Variants in SEMA5A observed in about 807,000 individuals in gnomAD.
SEMA5A encodes semaphorin 5A, also known as semaphorin-5A.
Under a neutral mutation model 135.5 loss-of-function variants are expected in SEMA5A, and 55 were observed. The observed-to-expected ratio is 0.41, with a 90% CI of 0.33 to 0.51. SEMA5A has a LOEUF of 0.51. SEMA5A is among the 20% of genes least tolerant of loss of function. SEMA5A has a pLI of 0.37. For missense variants in SEMA5A, 1,290 were observed against 1,419.9 expected, an observed-to-expected ratio of 0.91 and a Z score of 1.47; for synonymous variants, 580 against 546.5, an observed-to-expected ratio of 1.06 and a Z score of -0.85.
chr5:9,158,613 A>G (rs1406747370), intron 11 of SEMA5A, among the ~76,000 whole-genome samples: 4 of 152,126 alleles, frequency 2.6e-5, no homozygotes, highest in Admixed American at 1.3e-4. Context: ...GAGGATGCTC[A>G]GAATGGACAC....
chr5:9,393,303 G>A (rs1477991167), intron 2 of SEMA5A, among the ~76,000 whole-genome samples: 2 of 152,236 alleles, frequency 1.3e-5, no homozygotes, highest in Non-Finnish European at 2.9e-5. Context: ...CCTAAATACT[G>A]AAGGGGTTAA....
chr5:9,391,099 C>T (rs1018700110), intron 2 of SEMA5A: 2 of 152,200 alleles, frequency 1.3e-5, no homozygotes, highest in African/African-American at 2.4e-5. Context: ...ACACACAGGT[C>T]ATCCAGCTGA....
chr5:9,310,020 A>T lies in SEMA5A; in HGVS notation c.270+8352T>A, dbSNP rs186825438. ...CACAGCGAGTCCAAATAAACACAGC[A>T]ATCAAACATTGATAAACTAAAAAAA... On this transcript the variant is annotated intron_variant, in intron 5 of 22. Coordinates refer to ENST00000382496, the MANE Select transcript of SEMA5A (RefSeq NM_003966.3). Among the ~76,000 whole-genome samples the T allele has an allele frequency of 2.6e-5, 4 of 152,280 alleles. No homozygotes were observed. The East Asian group carries it at 7.7e-4, about 29-fold the overall frequency.
At chr5:9,365,530 T>C (rs978899150) in intron 3 of SEMA5A, among the ~76,000 whole-genome samples, 1 of 152,142 alleles carries the variant, frequency 6.6e-6, no homozygotes, top group Non-Finnish European at 1.5e-5. Context: ...ATATTATTTA[T>C]CTTGATTACT....
At chr5:9,457,863 G>T (rs1032728380) in intron 1 of SEMA5A, among the ~76,000 whole-genome samples, 1 of 148,010 alleles carries the variant, frequency 6.8e-6, no homozygotes, top group Non-Finnish European at 1.5e-5. Flanking sequence ...AGGTACAAAA[G>T]GAAAGAAAAA....
Position 9,094,067 on chromosome 5 carries a change from T to C in SEMA5A, c.2073+14073A>G, listed in dbSNP as rs535744760. On this transcript the variant is annotated intron_variant, in intron 16 of 22. Coordinates refer to ENST00000382496, the MANE Select transcript of SEMA5A (RefSeq NM_003966.3). ...CTGATGGCATTTATTACTTCGTTATTATTTAGCAATTTGAATTATGTTTTT... is the reference window on the plus strand; with the variant it reads ...CTGATGGCATTTATTACTTCGTTATCATTTAGCAATTTGAATTATGTTTTT... Among the ~76,000 whole-genome samples the C allele has an allele frequency of 2.6e-5, 4 of 152,360 alleles. No homozygotes were observed. In the South Asian group the frequency reaches 8.3e-4, roughly 32 times the overall value.
intron 5 of SEMA5A, among the ~76,000 whole-genome samples, chr5:9,296,482 T>A (rs921042424): frequency 6.6e-6 from 1 of 152,196 alleles, no homozygotes; most frequent in African/African-American, 2.4e-5. Context: ...ATTTTATATG[T>A]AAATAGAAAA....
At chr5:9,229,873 G>A (rs1298257435) in intron 6 of SEMA5A, among the ~76,000 whole-genome samples, 1 of 152,180 alleles carries the variant, frequency 6.6e-6, no homozygotes, top group Non-Finnish European at 1.5e-5. Context: ...GAAAGCAAGG[G>A]CCTCCAGTCA....
intron 1 of SEMA5A, among the ~76,000 whole-genome samples, chr5:9,479,004 G>A (rs1759774428): frequency 6.6e-6 from 1 of 152,126 alleles, no homozygotes; most frequent in Non-Finnish European, 1.5e-5. Flanking sequence ...TTCCCCCATT[G>A]TATTCTCATG....
intron 5 of SEMA5A, among the ~76,000 whole-genome samples, chr5:9,292,083 A>G (rs978210023): frequency 6.6e-6 from 1 of 152,116 alleles, no homozygotes; most frequent in Admixed American, 6.5e-5. Context: ...GGTCAACACT[A>G]TAACTGAAGC....
Position 9,204,487 on chromosome 5 carries a change from G to A in SEMA5A, c.647-2247C>T, listed in dbSNP as rs1745901271. Among the ~76,000 whole-genome samples the A allele has an allele frequency of 1.3e-5, 2 of 152,210 alleles. No homozygotes were observed. The highest frequency in any genetic ancestry group is 2.1e-4 in the South Asian group (1 of 4,826). On this transcript the variant is annotated intron_variant, in intron 8 of 22. Transcript: ENST00000382496. This position sits in a 1 kb window ranked among gnomAD's most constrained non-coding sequence, Gnocchi z 6.4. ...CTTTTATGGTTTCCAGCTGAAGGAT[G>A]AGTTTATAATAAAAACAGCTAATAT...
At chr5:9,107,372 A>G (rs890018628) in intron 16 of SEMA5A, among the ~76,000 whole-genome samples, 2 of 152,070 alleles carry the variant, frequency 1.3e-5, no homozygotes, top group Non-Finnish European at 2.9e-5. Flanking sequence ...AGGAGAAAAA[A>G]AAAAACATGC....
chr5:9,133,035 A>T (rs967862737), intron 13 of SEMA5A, among the ~76,000 whole-genome samples: 1 of 152,108 alleles, frequency 6.6e-6, no homozygotes, highest in Non-Finnish European at 1.5e-5. Flanking sequence ...AATCCATGAG[A>T]GTGTTTTTTG....
chr5:9,066,019 C>A (rs77634572), intron 17 of SEMA5A, among the ~76,000 whole-genome samples: 3,064 of 152,320 alleles, frequency 0.02, 40 homozygotes, highest in Middle Eastern at 0.041. Context: ...AAGAGAAATG[C>A]ACTTCCATTG....
Position 9,475,277 on chromosome 5 carries a change from C to T in SEMA5A, c.-174-37425G>A, listed in dbSNP as rs570245780. On this transcript the variant is annotated intron_variant, in intron 1 of 22. Coordinates refer to ENST00000382496, the MANE Select transcript of SEMA5A (RefSeq NM_003966.3). ...ATGGCCTCACAGAGGCCTTTGTGGT[C>T]CACCGTGTCAAAATCTTCACCATGC... is the stretch of plus-strand genomic sequence containing the variant. 5.9e-5 allele frequency among the ~76,000 whole-genome samples: 9 copies of T among 152,328 alleles called. No individual in the cohort carries two copies. The South Asian group carries it at 1.9e-3, about 32-fold the overall frequency.
At chr5:9,103,244 G>A (rs763132653) in intron 16 of SEMA5A, among the ~76,000 whole-genome samples, 9 of 152,060 alleles carry the variant, frequency 5.9e-5, no homozygotes, top group Admixed American at 1.3e-4. Flanking sequence ...AACACGAGAC[G>A]ACCTTCCCCA....
chr5:9,042,648 G>A lies in SEMA5A; in HGVS notation c.*249C>T. On this transcript the variant is annotated 3_prime_UTR_variant, in exon 23 of 23. Coordinates refer to ENST00000382496, the MANE Select transcript of SEMA5A (RefSeq NM_003966.3). ...AACCAATGGACTTGTCAGAAAAATA[G>A]GATGAACACAATTAAAAACTTCACA... is the stretch of plus-strand genomic sequence containing the variant. 3 of 430,198 alleles carry A rather than the reference G, an allele frequency of 7.0e-6. No individual in the cohort carries two copies. The highest frequency in any genetic ancestry group is 1.2e-5 in the Non-Finnish European group (3 of 243,354). 26.6% of individuals were successfully genotyped at this position (430,198 alleles called of 1,614,324 possible). A position where few individuals can be genotyped will look rare whatever the true frequency, so the allele number is the denominator to read the frequency against.
intron 11 of SEMA5A, among the ~76,000 whole-genome samples, chr5:9,164,831 C>T (rs1743517179): frequency 6.6e-6 from 1 of 152,034 alleles, no homozygotes; most frequent in Admixed American, 6.6e-5. Flanking sequence ...ATTTTAGCTC[C>T]ATCAACATTT....
chr5:9,403,917 A>AGTTT (rs370973339), intron 2 of SEMA5A, among the ~76,000 whole-genome samples: 1,983 of 151,390 alleles, frequency 0.013, 29 homozygotes, highest in African/African-American at 0.043. Flanking sequence ...ACTGTGAATC[A>AGTTT]GTTTGTTTGT....
Sources: allele counts gnomAD v4.1 joint callset (sites outside exome capture counted in the v4.1 genomes callset), GRCh38; gene constraint gnomAD v4.1.1; non-coding constraint Gnocchi (gnomAD v3.1); transcripts MANE v1.5; gene names NCBI Gene and HGNC (gene_info 2026-07-23, HGNC 2026-07-21).